LPP: variants seen among roughly 807,000 people sequenced by gnomAD.
LPP encodes LIM domain containing preferred translocation partner in lipoma.
Under a neutral mutation model 60.4 loss-of-function variants are expected in LPP, and 38 were observed. The ratio of observed to expected loss-of-function variants is 0.63; its 90% CI spans 0.49 to 0.83. LPP has a LOEUF of 0.83. Ranked by LOEUF, LPP falls within the 40% of genes least tolerant of loss-of-function variation. LPP has a pLI of 0.00. For synonymous variants in LPP, 328 were observed against 290.8 expected (o/e 1.13, Z -1.30); for missense variants, 902 against 783.6 (o/e 1.15, Z -1.80).
intron 8 of LPP, among the ~76,000 whole-genome samples, chr3:188,758,429 G>A (rs1396425017): frequency 3.9e-5 from 6 of 152,078 alleles, no homozygotes; most frequent in Admixed American, 2.0e-4. Flanking sequence ...CCAAAGTGCT[G>A]GGATTGAAGA....
chr3:188,195,416 A>G (rs1729264730), intron 1 of LPP, among the ~76,000 whole-genome samples: 1 of 152,190 alleles, frequency 6.6e-6, no homozygotes, highest in Non-Finnish European at 1.5e-5. Flanking sequence ...AAAGTACTGT[A>G]TAGTTGATAA....
chr3:188,270,290 C>T (rs760083646), intron 2 of LPP, among the ~76,000 whole-genome samples: 9 of 151,684 alleles, frequency 5.9e-5, no homozygotes, highest in Non-Finnish European at 7.4e-5. Flanking sequence ...AACACACAGA[C>T]GTGTGTGTGT....
At chr3:188,154,834 C>T (rs1470751489) in intron 1 of LPP, among the ~76,000 whole-genome samples, 1 of 152,154 alleles carries the variant, frequency 6.6e-6, no homozygotes, top group Non-Finnish European at 1.5e-5. Flanking sequence ...CAAACCTGGC[C>T]TAGGGTAGAA....
rs565639418 is a variant in LPP at position 188,583,729 on chromosome 3, A to C, written c.430-25432A>C. 2.0e-5 allele frequency among the ~76,000 whole-genome samples: 3 copies of C among 152,298 alleles called. No homozygotes were observed. The East Asian group carries it at 5.8e-4, about 29-fold the overall frequency. On this transcript the variant is annotated intron_variant, in intron 6 of 11. Coordinates refer to ENST00000617246, the MANE Select transcript of LPP (RefSeq NM_001375462.1). ...CGGACACTCAGTAAATATTTGATGA[A>C]TGTTTATAGTGTGACTGTCTCGCCA...
chr3:188,360,495 A>G (rs566681440), intron 3 of LPP, among the ~76,000 whole-genome samples: 1 of 151,722 alleles, frequency 6.6e-6, no homozygotes, highest in African/African-American at 2.4e-5. Context: ...CATGAAGTCC[A>G]TATGATATCC....
chr3:188,724,059 C>A (rs535990137), intron 8 of LPP, among the ~76,000 whole-genome samples: 12 of 152,226 alleles, frequency 7.9e-5, no homozygotes, highest in African/African-American at 2.9e-4. Flanking sequence ...ACCATTCTCA[C>A]TAATGATTCT....
intron 9 of LPP, among the ~76,000 whole-genome samples, chr3:188,828,710 G>A (rs754621287): frequency 1.3e-4 from 19 of 145,628 alleles, no homozygotes; most frequent in East Asian, 4.0e-4. Context: ...CAGTTTTCTT[G>A]TCTGTTTATC....
At chr3:188,378,909 A>T (rs998889929) in intron 3 of LPP, among the ~76,000 whole-genome samples, 1 of 151,990 alleles carries the variant, frequency 6.6e-6, no homozygotes, top group Non-Finnish European at 1.5e-5. Context: ...TTCTTTGTTT[A>T]TTGAGTGCCT....
chr3:188,608,981 C>T (rs954555677), intron 6 of LPP, among the ~76,000 whole-genome samples, 180 bp from the exon 7 acceptor site: 4 of 152,098 alleles, frequency 2.6e-5, no homozygotes, highest in Non-Finnish European at 4.4e-5. Context: ...CACAGATATA[C>T]AACTGATTTT....
intron 9 of LPP, among the ~76,000 whole-genome samples, chr3:188,776,057 G>A (rs1737653447): frequency 1.3e-5 from 2 of 152,240 alleles, no homozygotes; most frequent in Admixed American, 1.3e-4. Context: ...CGTGCTATGC[G>A]GAATACAGCG....
chr3:188,805,956 A>G (rs1748999252), intron 9 of LPP, among the ~76,000 whole-genome samples: 1 of 151,812 alleles, frequency 6.6e-6, no homozygotes, highest in Non-Finnish European at 1.5e-5. Context: ...TGTAACTTAA[A>G]TTCATCTAAA....
At position 188,877,627 on chromosome 3, in the gene LPP, C is replaced by A; in HGVS notation, c.*3148C>A. The A allele has an allele frequency of 5.3e-6, 1 of 187,104 alleles. No homozygotes were observed. The highest frequency in any genetic ancestry group is 1.1e-5 in the Non-Finnish European group (1 of 88,582). The allele number at this position is 187,104 out of a possible 1,614,324, so 11.6% of individuals were successfully genotyped here. A position where few individuals can be genotyped will look rare whatever the true frequency, so the allele number is the denominator to read the frequency against. On this transcript the variant is annotated 3_prime_UTR_variant, in exon 12 of 12. Transcript: ENST00000617246. ...TTGGGAGGCTGAGACAGGAGGATTG[C>A]CTGAGGCCAGGAGTTTGACACCAGC... is the stretch of plus-strand genomic sequence containing the variant.
At chr3:188,428,028 C>G (rs1393256339) in intron 4 of LPP, among the ~76,000 whole-genome samples, 1 of 152,140 alleles carries the variant, frequency 6.6e-6, no homozygotes, top group East Asian at 1.9e-4. Context: ...GCTTGAAACC[C>G]AGGGCCCTGG....
intron 1 of LPP, among the ~76,000 whole-genome samples, chr3:188,184,471 T>C (rs1230310923): frequency 1.3e-5 from 2 of 152,162 alleles, no homozygotes; most frequent in Non-Finnish European, 2.9e-5. Context: ...ATGCATTCAA[T>C]GAACCAGGAA....
At chr3:188,162,302 G>A (rs1377611395) in intron 1 of LPP, among the ~76,000 whole-genome samples, 3 of 152,232 alleles carry the variant, frequency 2.0e-5, no homozygotes, top group Non-Finnish European at 4.4e-5. Context: ...TCCTAACTGG[G>A]GTGCAGGGCC....
chr3:188,203,356 A>T (rs1731663418), intron 1 of LPP, among the ~76,000 whole-genome samples: 1 of 105,856 alleles, frequency 9.4e-6, no homozygotes, highest in South Asian at 2.7e-4. Flanking sequence ...AAATATATAC[A>T]TATATTTATA....
chr3:188,165,876 C>CG (rs1719788623), intron 1 of LPP, among the ~76,000 whole-genome samples: 1 of 152,124 alleles, frequency 6.6e-6, no homozygotes, highest in Non-Finnish European at 1.5e-5. Context: ...CTGGTCCCAG[C>CG]GTAACACTGA....
chr3:188,442,003 CA>C (rs1794104411), intron 4 of LPP, among the ~76,000 whole-genome samples: 1 of 152,166 alleles, frequency 6.6e-6, no homozygotes, highest in Admixed American at 6.5e-5. Flanking sequence ...GTACACTCTA[CA>C]GGGGCATCAT....
intron 7 of LPP, among the ~76,000 whole-genome samples, chr3:188,676,260 A>G (rs1267589410): frequency 1.3e-5 from 2 of 152,208 alleles, no homozygotes; most frequent in East Asian, 3.9e-4. Flanking sequence ...ATACTGAAAC[A>G]GCTACATTGT....
Sources: allele counts gnomAD v4.1 joint callset (sites outside exome capture counted in the v4.1 genomes callset), GRCh38; gene constraint gnomAD v4.1.1; transcripts MANE v1.5; gene names NCBI Gene and HGNC (gene_info 2026-07-23, HGNC 2026-07-21).